Variants in ACO1 observed in about 807,000 individuals in gnomAD.
ACO1 encodes aconitase 1, also known as cytoplasmic aconitate hydratase.
ACO1 carries 78 observed loss-of-function variants against 105.1 expected under a neutral mutation model. That is an observed-to-expected ratio of 0.74 (90% confidence interval 0.62 to 0.90). The LOEUF (loss-of-function observed/expected upper bound fraction) is 0.90, where lower values mean the gene tolerates loss of function less well. Ranked by LOEUF, ACO1 falls within the 40% of genes least tolerant of loss-of-function variation. The pLI, the probability that ACO1 is intolerant of heterozygous loss-of-function variation, is 0.00. For synonymous variants in ACO1, 364 were observed against 397.4 expected, an observed-to-expected ratio of 0.92 and a Z score of 1.00; for missense variants, 965 against 1,111.1, an observed-to-expected ratio of 0.87 and a Z score of 1.87.
chr9:32,407,375 A>T lies in ACO1; in HGVS notation c.212A>T (p.His71Leu). 6.2e-7 allele frequency: 1 copy of T among 1,614,188 alleles called. No homozygotes were observed. Among genetic ancestry groups the T allele is most frequent in the South Asian group, 1.1e-5 (1 of 91,084 alleles). ...ENILHWNVTQ[H>L]KNIEVPFKPA... is the part of the protein sequence containing the mutation. ...ATTCTACATTGGAATGTCACGCAGC[A>T]CAAGAACATAGAAGTGCCATTTAAG... is the stretch of plus-strand genomic sequence containing the variant. The change falls in exon 3 of 21, where the codon CAC (histidine) becomes CTC (leucine). Residue 71 changes from histidine (H) to leucine (L), a missense_variant. Transcript: ENST00000309951.
At position 32,427,617 on chromosome 9, in the gene ACO1, T is replaced by C. The variant is rs72561745; in HGVS notation, c.1484+181T>C. On this transcript the variant is annotated intron_variant, in intron 12 of 20. Coordinates refer to ENST00000309951, the MANE Select transcript of ACO1 (RefSeq NM_002197.3). Reference sequence around the variant, plus strand: ...ATCTAAAGAGAGCCCTCTTGCCCTCTAGGGCACCTACCATGAATGGAGTTT... The same window carrying C: ...ATCTAAAGAGAGCCCTCTTGCCCTCCAGGGCACCTACCATGAATGGAGTTT... 4.6e-3 allele frequency among the ~76,000 whole-genome samples: 702 copies of C among 152,308 alleles called. 4 individuals are homozygous for C. The highest frequency in any genetic ancestry group is 8.1e-3 in the Non-Finnish European group (554 of 68,020).
intron 14 of ACO1, among the ~76,000 whole-genome samples, chr9:32,431,151 G>A (rs1201586783): frequency 6.6e-6 from 1 of 152,162 alleles, no homozygotes; most frequent in Non-Finnish European, 1.5e-5. Context: ...ATCAGTATTT[G>A]TAGTATGTTC....
At chr9:32,444,287 G>C (rs1047356487) in intron 19 of ACO1, among the ~76,000 whole-genome samples, 1 of 152,142 alleles carries the variant, frequency 6.6e-6, no homozygotes, top group African/African-American at 2.4e-5. Context: ...ATAAACATAC[G>C]TGTGCATGCG....
intron 5 of ACO1, 40 bp downstream of exon 5, chr9:32,418,237 T>C (rs1157043266): frequency 4.3e-6 from 7 of 1,613,242 alleles, no homozygotes; most frequent in Non-Finnish European, 5.9e-6. Flanking sequence ...GTTTTCTTTG[T>C]AGGCAGGGTA....
intron 4 of ACO1, among the ~76,000 whole-genome samples, chr9:32,413,676 G>T (rs2118439027): frequency 6.6e-6 from 1 of 152,274 alleles, no homozygotes; most frequent in African/African-American, 2.4e-5. Context: ...AAATGAGTGA[G>T]AAAAACTGGG....
chr9:32,410,466 A>G (rs1346054892), intron 4 of ACO1, among the ~76,000 whole-genome samples: 1 of 152,182 alleles, frequency 6.6e-6, no homozygotes, highest in Non-Finnish European at 1.5e-5. Context: ...AGGCTAAGGC[A>G]GGAGAATGGC....
chr9:32,442,826 C>T (rs758626453), intron 19 of ACO1, among the ~76,000 whole-genome samples: 7 of 152,266 alleles, frequency 4.6e-5, no homozygotes, highest in Non-Finnish European at 1.0e-4. Flanking sequence ...CAGATACCAG[C>T]ACTGACTCCC....
intron 4 of ACO1, among the ~76,000 whole-genome samples, chr9:32,412,649 C>T (rs934030574): frequency 6.6e-6 from 1 of 152,216 alleles, no homozygotes; most frequent in African/African-American, 2.4e-5. Context: ...TTCCTTTGGA[C>T]TCTGAACCTG....
At chr9:32,441,853 C>T (rs192439006) in intron 19 of ACO1, among the ~76,000 whole-genome samples, 82 of 152,304 alleles carry the variant, frequency 5.4e-4, no homozygotes, top group African/African-American at 1.8e-3. Context: ...GCCACGTAGC[C>T]GTGCTGGACT....
intron 1 of ACO1, among the ~76,000 whole-genome samples, chr9:32,386,663 C>T (rs1821162314): frequency 6.6e-6 from 1 of 152,170 alleles, no homozygotes; most frequent in Non-Finnish European, 1.5e-5. Context: ...GTGTGTGTTG[C>T]ACAGTCCACA....
In ACO1 at chr9:32,413,278, G is replaced by A. The variant is rs192056681; in HGVS notation, c.404+4627G>A. 2.5e-4 allele frequency among the ~76,000 whole-genome samples: 38 copies of A among 152,226 alleles called. 1 individual carries two copies. The highest frequency in any genetic ancestry group is 2.4e-3 in the Admixed American group (37 of 15,300). On this transcript the variant is annotated intron_variant, in intron 4 of 20. Coordinates refer to ENST00000309951, the MANE Select transcript of ACO1 (RefSeq NM_002197.3). ...AGGCAGGTGGATCACGAGGTCAGGAGATCAAGACCATCCTGGCCAACATGG... is the reference window on the plus strand; with the variant it reads ...AGGCAGGTGGATCACGAGGTCAGGAAATCAAGACCATCCTGGCCAACATGG...
At position 32,430,493 on chromosome 9, in the gene ACO1, A is replaced by G; in HGVS notation, c.1645A>G (p.Asn549Asp). The G allele has an allele frequency of 6.2e-7, 1 of 1,612,506 alleles. No individual in the cohort carries two copies. The highest frequency in any genetic ancestry group is 1.3e-5 in the African/African-American group (1 of 74,982). The change falls in exon 14 of 21, where the codon AAC (asparagine) becomes GAC (aspartate). Residue 549 changes from asparagine to aspartate, a missense_variant. By Grantham distance (23) the Asn-to-Asp change is conservative. Coordinates refer to ENST00000309951, the MANE Select transcript of ACO1 (RefSeq NM_002197.3). The part of the protein sequence containing the change: ...EGRVHPNTRA[N>D]YLASPPLVIA... ...TCGAGTTCACCCCAACACCCGGGCC[A>G]ACTATTTAGCCTCTCCCCCCTTAGT...
intron 7 of ACO1, 139 bp downstream of exon 7, chr9:32,419,316 A>T: frequency 1.1e-6 from 1 of 922,548 alleles, no homozygotes; most frequent in Non-Finnish European, 1.5e-6. Context: ...TTTTAAAAGG[A>T]GATGAGGTAA....
Position 32,429,435 on chromosome 9 carries a change from T to C in ACO1, c.1501T>C (p.Tyr501His), listed in dbSNP as rs1587543870. 9 of 1,614,224 alleles carry C rather than the reference T, an allele frequency of 5.6e-6. No individual in the cohort carries two copies. The East Asian group carries it at 2.0e-4, about 36-fold the overall frequency. ...GGTGTCTAGGTTTGACGTGGTGGGC[T>C]ATGGCTGCATGACCTGCATTGGCAA... ...LSQLGFDVVG[Y>H]GCMTCIGNSG... is the part of the protein sequence containing the mutation. Residue 501 changes from tyrosine (Y) to histidine (H), a missense_variant, in exon 13 of 21, where the codon TAT becomes CAT. Coordinates refer to ENST00000309951, the MANE Select transcript of ACO1 (RefSeq NM_002197.3).
At chr9:32,404,140 T>C (rs753068568) in intron 1 of ACO1, among the ~76,000 whole-genome samples, 25 of 152,168 alleles carry the variant, frequency 1.6e-4, no homozygotes, top group Admixed American at 9.8e-4. Flanking sequence ...CTCTTGAATT[T>C]GTGTGGCACT....
In ACO1 at chr9:32,433,739, A is replaced by C. The variant is rs1445451402; in HGVS notation, c.1863A>C (p.Glu621Asp). Residue 621 changes from glutamate to aspartate, a missense_variant, in exon 16 of 21, where the codon GAA (glutamate) becomes GAC (aspartate). By Grantham distance (45) the Glu-to-Asp change is conservative (BLOSUM62 2). Coordinates refer to ENST00000309951, the MANE Select transcript of ACO1 (RefSeq NM_002197.3). ...TTTTCTTTTTTAAGACTGTGAATGA[A>C]AGCTGGAATGCCTTAGCAACCCCAT... is the stretch of plus-strand genomic sequence containing the variant. ...EVYQKIETVN[E>D]SWNALATPSD... 1 of 1,606,134 alleles carries C rather than the reference A, an allele frequency of 6.2e-7. No individual in the cohort carries two copies. The highest frequency in any genetic ancestry group is 1.1e-5 in the South Asian group (1 of 88,678).
chr9:32,408,074 A>G (rs765897011), intron 3 of ACO1, among the ~76,000 whole-genome samples: 2 of 152,206 alleles, frequency 1.3e-5, no homozygotes, highest in African/African-American at 2.4e-5. Context: ...ATTTAACATG[A>G]ATTTGATTCA....
intron 8 of ACO1, among the ~76,000 whole-genome samples, chr9:32,422,803 A>T (rs1236980973): frequency 6.6e-6 from 1 of 152,218 alleles, no homozygotes; most frequent in East Asian, 1.9e-4. Context: ...TTGTACTTGT[A>T]TCTTAAGACT....
rs776806842 is a variant in ACO1 at position 32,430,553 on chromosome 9, G to A, written c.1705G>A (p.Asp569Asn). The stretch of plus-strand genomic sequence containing the variant: ...TGCAATTGCTGGAACCATCAGAATC[G>A]ACTTTGAGAAAGAGCCATTGGGTAA... ...AYAIAGTIRI[D>N]FEKEPLGVNA... The change falls in exon 14 of 21, where the codon GAC becomes AAC. Residue 569 changes from aspartate (D) to asparagine (N), a missense_variant. By Grantham distance (23) the Asp-to-Asn change is conservative (BLOSUM62 1). Transcript: ENST00000309951. 17 of 1,604,950 alleles carry A rather than the reference G, an allele frequency of 1.1e-5. No homozygotes were observed. Among genetic ancestry groups the A allele is most frequent in the South Asian group, 7.9e-5 (7 of 89,124 alleles).
Sources: gnomAD v4.1 joint callset for allele counts (sites outside exome capture counted in the v4.1 genomes callset) on GRCh38, gnomAD v4.1.1 for gene constraint, MANE v1.5 for transcripts, NCBI Gene and HGNC (gene_info 2026-07-23, HGNC 2026-07-21) for gene names.